The following SLCO4C1 variants were observed in gnomAD, a reference collection of about 807,000 sequenced individuals.
SLCO4C1 encodes the protein organic anion transporter M1.
In SLCO4C1, 58 loss-of-function variants were observed where a neutral mutation model predicts 72.1. That is an observed-to-expected ratio of 0.80 (90% CI 0.65 to 1.00). The LOEUF is 1.00. Among genes scored for constraint, SLCO4C1 ranks in the 50% least tolerant of loss-of-function variants. SLCO4C1 has a pLI of 0.00. For missense variants in SLCO4C1, 898 were observed against 857.9 expected, an observed-to-expected ratio of 1.05 and a Z score of -0.58; for synonymous variants, 297 against 312.5, an observed-to-expected ratio of 0.95 and a Z score of 0.52.
chr5:102,239,809 AAACT>A (rs1357837287), intron 11 of SLCO4C1, among the ~76,000 whole-genome samples: 1 of 152,100 alleles, frequency 6.6e-6, no homozygotes, highest in Non-Finnish European at 1.5e-5. Context: ...ATGTGTATAT[AAACT>A]AACATGGGCC....
At chr5:102,257,426 C>T in intron 7 of SLCO4C1, 116 bp from the exon 8 acceptor site, 1 of 749,650 alleles carries the variant, frequency 1.3e-6, no homozygotes, top group East Asian at 3.1e-5. Context: ...TATTTATTCA[C>T]CTGATATAGA....
rs144468135 is a variant in SLCO4C1 at position 102,267,435 on chromosome 5, C to G, written c.802+3189G>C. On this transcript the variant is annotated intron_variant, in intron 3 of 12. Coordinates refer to ENST00000310954, the MANE Select transcript of SLCO4C1 (RefSeq NM_180991.5). ...TGTATTTGTTAGTAAGACTAACAAT[C>G]CTTTGTTTTTCTGTGGTATCAGCTG... 3.3e-4 allele frequency among the ~76,000 whole-genome samples: 50 copies of G among 152,042 alleles called. 1 individual carries two copies. The East Asian group carries it at 8.7e-3, about 26-fold the overall frequency.
rs558456579 is a variant in SLCO4C1 at position 102,296,081 on chromosome 5, G to A, written c.182C>T (p.Pro61Leu). ...KPQEPQKSPE[P>L]SLPSAPPNVS... The stretch of plus-strand genomic sequence containing the variant: ...ATTGGGAGGGGCTGAAGGCAGAGAT[G>A]GCTCTGGTGACTTCTGGGGCTCCTG... Residue 61 changes from proline to leucine, a missense_variant, in exon 1 of 13, where the codon CCA becomes CTA. By Grantham distance (98) the Pro-to-Leu change is moderately conservative. Coordinates refer to ENST00000310954, the MANE Select transcript of SLCO4C1 (RefSeq NM_180991.5). 22 of 1,614,206 alleles carry A rather than the reference G, an allele frequency of 1.4e-5. No individual in the cohort carries two copies. The African/African-American group carries it at 2.1e-4, about 16-fold the overall frequency.
rs772551886 is a variant in SLCO4C1, at chr5:102,240,748, C to T, written c.1846G>A (p.Gly616Arg). The change falls in exon 11 of 13, where the codon GGA (glycine) becomes AGA (arginine). Residue 616 changes from glycine to arginine, a missense_variant. Coordinates refer to ENST00000310954, the MANE Select transcript of SLCO4C1 (RefSeq NM_180991.5). Reference sequence around the variant, plus strand: ...AATCGAAGGACCATAAATTGTATTCCCAAGGCTAGGGACCGTTGTCTGTGA... The same window carrying T: ...AATCGAAGGACCATAAATTGTATTCTCAAGGCTAGGGACCGTTGTCTGTGA... ...VNHRQRSLAL[G>R]IQFMVLRLLG... is the part of the protein sequence containing the mutation. The T allele has an allele frequency of 4.3e-6, 7 of 1,611,402 alleles. No homozygotes were observed. The African/African-American group carries it at 9.4e-5, about 22-fold the overall frequency.
rs1346452743 is a variant in SLCO4C1, at chr5:102,257,719, AG to A, written c.1273+223del. On this transcript the variant is annotated intron_variant, in intron 7 of 12. Coordinates refer to ENST00000310954, the MANE Select transcript of SLCO4C1 (RefSeq NM_180991.5). Reference sequence around the variant, plus strand: ...CTGCAGTCTCCACCTCCCAGGTTCAAGTGATTCTCCCACCTCAGCCTCTGAA... The same window carrying A: ...CTGCAGTCTCCACCTCCCAGGTTCAATGATTCTCCCACCTCAGCCTCTGAA... Among the ~76,000 whole-genome samples the A allele has an allele frequency of 4.6e-5, 7 of 151,724 alleles. No individual in the cohort carries two copies. In the South Asian group the frequency reaches 1.5e-3, roughly 32 times the overall value.
At chr5:102,269,377 T>C (rs947190624) in intron 3 of SLCO4C1, among the ~76,000 whole-genome samples, 1 of 152,060 alleles carries the variant, frequency 6.6e-6, no homozygotes, top group African/African-American at 2.4e-5. Context: ...TTGTTTGCTG[T>C]GTTGTTTGAC....
intron 2 of SLCO4C1, among the ~76,000 whole-genome samples, chr5:102,287,705 T>C (rs947370878): frequency 1.3e-5 from 2 of 151,554 alleles, no homozygotes; most frequent in Non-Finnish European, 1.5e-5. Context: ...CCACCACACA[T>C]GGCTAATTTT....
Position 102,249,643 on chromosome 5 carries a change from G to C in SLCO4C1, c.1615C>G (p.Pro539Ala). 6.2e-7 allele frequency: 1 copy of C among 1,613,570 alleles called. No homozygotes were observed. The highest frequency in any genetic ancestry group is 8.5e-7 in the Non-Finnish European group (1 of 1,179,822). ...GCSNPVAHRK[P>A]KVYYNCSCIE... ...AAGTAGGAGACATAAGCTACCTTTG[G>C]CTTCCTGTGTGCAACTGGGTTTGAA... The change falls in exon 9 of 13, where the codon CCA becomes GCA. Residue 539 changes from proline (P) to alanine (A), a missense_variant. Coordinates refer to ENST00000310954, the MANE Select transcript of SLCO4C1 (RefSeq NM_180991.5).
intron 2 of SLCO4C1, among the ~76,000 whole-genome samples, chr5:102,282,133 C>T (rs1291838269): frequency 6.6e-6 from 1 of 151,814 alleles, no homozygotes; most frequent in Non-Finnish European, 1.5e-5. Context: ...ATTACTCAGA[C>T]TAAAAAAAGT....
At chr5:102,294,422 G>C (rs1749610452) in intron 1 of SLCO4C1, among the ~76,000 whole-genome samples, 2 of 152,032 alleles carry the variant, frequency 1.3e-5, no homozygotes, top group South Asian at 4.1e-4. Context: ...GACTAAACCT[G>C]ACAAATTTTC....
chr5:102,241,209 G>T (rs1230258857), intron 10 of SLCO4C1, among the ~76,000 whole-genome samples: 1 of 152,050 alleles, frequency 6.6e-6, no homozygotes, highest in East Asian at 1.9e-4. Flanking sequence ...AACAGGACAA[G>T]GATGCCCACT....
intron 2 of SLCO4C1, among the ~76,000 whole-genome samples, chr5:102,281,026 C>A (rs1749344449): frequency 6.6e-6 from 1 of 152,000 alleles, no homozygotes; most frequent in African/African-American, 2.4e-5. Flanking sequence ...GGAAAAATAA[C>A]AATGAAGTGA....
At chr5:102,279,490 C>T (rs1749312779) in intron 2 of SLCO4C1, among the ~76,000 whole-genome samples, 1 of 151,790 alleles carries the variant, frequency 6.6e-6, no homozygotes, top group Non-Finnish European at 1.5e-5. Flanking sequence ...AGAATTCTAA[C>T]AAACATATAA....
chr5:102,240,587 G>A (rs991147709), intron 11 of SLCO4C1, 131 bp downstream of exon 11: 2 of 677,840 alleles, frequency 3.0e-6, no homozygotes, highest in African/African-American at 1.8e-5. Flanking sequence ...TTGGAAAATG[G>A]CTTCCTTCAA....
At chr5:102,249,343 C>T (rs1225381806) in intron 9 of SLCO4C1, among the ~76,000 whole-genome samples, 1 of 152,032 alleles carries the variant, frequency 6.6e-6, no homozygotes, top group Non-Finnish European at 1.5e-5. Flanking sequence ...GGGAACCCAT[C>T]CCCCATGTAT....
At chr5:102,244,445 T>C (rs927451437) in intron 10 of SLCO4C1, among the ~76,000 whole-genome samples, 3 of 151,348 alleles carry the variant, frequency 2.0e-5, no homozygotes, top group Admixed American at 6.6e-5. Context: ...AAAGAAGAGG[T>C]AGAGAAAAAG....
At chr5:102,261,563 A>G (rs1254167631) in intron 5 of SLCO4C1, among the ~76,000 whole-genome samples, 4 of 152,166 alleles carry the variant, frequency 2.6e-5, no homozygotes, top group Non-Finnish European at 4.4e-5. Context: ...GATTTAAGAC[A>G]GATTGAAATT....
intron 5 of SLCO4C1, among the ~76,000 whole-genome samples, chr5:102,261,671 A>G (rs1326742489): frequency 1.3e-5 from 2 of 152,144 alleles, no homozygotes; most frequent in African/African-American, 4.8e-5. Flanking sequence ...CAAATTTATT[A>G]AGTACTAAAG....
At position 102,258,024 on chromosome 5, in the gene SLCO4C1, TAA is replaced by T. The variant is rs1359692013; in HGVS notation, c.1190_1191del (p.Ile397AsnfsTer10). The part of the protein sequence containing the change: ...LVLSTSSEAL[I>X]TTGFATFLPK... ...GGTAAAAATGTAGCAAATCCAGTAG[TAA>T]TTAAGGCTTCTGAAGAAGTTGATAG... On this transcript the variant is annotated frameshift_variant, in exon 7 of 13. Transcript: ENST00000310954. LOFTEE classifies it high-confidence loss of function. The T allele has an allele frequency of 6.2e-7, 1 of 1,606,486 alleles. No homozygotes were observed. Among genetic ancestry groups the T allele is most frequent in the Admixed American group, 1.7e-5 (1 of 58,912 alleles).
Sources: gnomAD v4.1 joint callset for allele counts (sites outside exome capture counted in the v4.1 genomes callset) on GRCh38, gnomAD v4.1.1 for gene constraint, MANE v1.5 for transcripts, NCBI Gene and HGNC (gene_info 2026-07-23, HGNC 2026-07-21) for gene names.